The following DLGAP4 variants were observed in gnomAD, a reference collection of about 807,000 sequenced individuals.
The protein encoded by DLGAP4 is DLG associated protein 4.
Under a neutral mutation model 86.9 loss-of-function variants are expected in DLGAP4, and 18 were observed. The ratio of observed to expected loss-of-function variants is 0.21; its 90% CI spans 0.14 to 0.31. The LOEUF is 0.31. Among genes scored for constraint, DLGAP4 ranks in the 10% least tolerant of loss-of-function variants. The pLI, the probability that DLGAP4 is intolerant of heterozygous loss-of-function variation, is 1.00. For synonymous variants in DLGAP4, 548 were observed against 574.3 expected (o/e 0.95, Z 0.65); for missense variants, 1,085 against 1,362.6 (o/e 0.80, Z 3.21).
chr20:36,438,383 T>C (rs373227992), intron 4 of DLGAP4, among the ~76,000 whole-genome samples: 1 of 146,666 alleles, frequency 6.8e-6, no homozygotes, highest in Admixed American at 6.9e-5. Flanking sequence ...AAAAAAAATA[T>C]ATATATATAT....
At chr20:36,521,644 C>T (rs1341648727) in intron 10 of DLGAP4, among the ~76,000 whole-genome samples, 1 of 152,200 alleles carries the variant, frequency 6.6e-6, no homozygotes, top group Non-Finnish European at 1.5e-5. Flanking sequence ...CAGGACAAGT[C>T]CTCAGCAGGG....
At chr20:36,458,232 C>T (rs941764973) in intron 7 of DLGAP4, among the ~76,000 whole-genome samples, 17 of 148,164 alleles carry the variant, frequency 1.1e-4, no homozygotes, top group African/African-American at 3.7e-4. Context: ...ACACTCAGAC[C>T]GGGTGCGGTG....
chr20:36,475,548 A>G (rs201823672), intron 7 of DLGAP4, among the ~76,000 whole-genome samples: 7 of 152,168 alleles, frequency 4.6e-5, no homozygotes, highest in Non-Finnish European at 1.0e-4. Context: ...CCAAGATTCT[A>G]TGATACTAAC....
At chr20:36,313,122 ACTGCCCTCTATCTTCCAGCTC>A (rs1364514298) in intron 1 of DLGAP4, among the ~76,000 whole-genome samples, 1 of 151,944 alleles carries the variant, frequency 6.6e-6, no homozygotes, top group African/African-American at 2.4e-5. Context: ...TGGCTTCTCC[ACTGCCCTCTATCTTCCAGCTC>A]CTGTCATGGG....
chr20:36,308,244 C>G lies in DLGAP4; in HGVS notation c.-304+1732C>G, dbSNP rs1208822274. Among the ~76,000 whole-genome samples, 1 of 152,134 alleles carries G rather than the reference C, an allele frequency of 6.6e-6. No homozygotes were observed. The highest frequency in any genetic ancestry group is 1.5e-5 in the Non-Finnish European group (1 of 68,010). On this transcript the variant is annotated intron_variant, in intron 1 of 12. Coordinates refer to ENST00000339266, the MANE Select transcript of DLGAP4 (RefSeq NM_001365621.2). This position sits in a 1 kb window ranked among gnomAD's most constrained non-coding sequence, Gnocchi z 4.5. ...GTGTGCCCGTGTGTGGTGTCCATGG[C>G]GACCCCGTACTCACCTGCCAGAGGC...
At chr20:36,321,992 G>A (rs2065173263) in intron 1 of DLGAP4, among the ~76,000 whole-genome samples, 2 of 152,140 alleles carry the variant, frequency 1.3e-5, no homozygotes, top group Admixed American at 6.5e-5. Context: ...GTGGGCAGAG[G>A]GGACATGGCT....
chr20:36,500,257 G>T lies in DLGAP4; in HGVS notation c.2158G>T (p.Asp720Tyr), dbSNP rs773109564. ...SRRDTDSDTQ[D>Y]ANDSSCKSSE... ...ACGGGACACAGACTCGGATACCCAG[G>T]ATGCCAATGACTCAAGCTGTAAGTC... is the stretch of plus-strand genomic sequence containing the variant. The change falls in exon 10 of 13, where the codon GAT (aspartate) becomes TAT (tyrosine). Residue 720 changes from aspartate (D) to tyrosine (Y), a missense_variant. Physicochemically the swap from Asp to Tyr is radical, Grantham distance 160. This residue lies in a region of DLGAP4 where 1,082 missense variants were observed against 1,344.1 expected (regional missense o/e 0.81). Coordinates refer to ENST00000339266, the MANE Select transcript of DLGAP4 (RefSeq NM_001365621.2). This position sits in a 1 kb window ranked among gnomAD's most constrained non-coding sequence, Gnocchi z 4.6. 6.2e-7 allele frequency: 1 copy of T among 1,610,992 alleles called. No homozygotes were observed. Among genetic ancestry groups the T allele is most frequent in the Non-Finnish European group, 8.5e-7 (1 of 1,178,420 alleles).
intron 2 of DLGAP4, among the ~76,000 whole-genome samples, chr20:36,369,111 G>A (rs1204896794): frequency 6.6e-6 from 1 of 152,190 alleles, no homozygotes; most frequent in South Asian, 2.1e-4. Context: ...AGCGAGGGAG[G>A]TGTTACTGCT....
intron 7 of DLGAP4, among the ~76,000 whole-genome samples, chr20:36,485,635 C>G (rs980039463): frequency 6.6e-6 from 1 of 152,148 alleles, no homozygotes; most frequent in African/African-American, 2.4e-5. Context: ...GGCAGCCTGG[C>G]CTTGCAGAGC....
intron 10 of DLGAP4, among the ~76,000 whole-genome samples, chr20:36,519,755 T>C (rs930885276): frequency 4.6e-5 from 7 of 152,136 alleles, no homozygotes; most frequent in Non-Finnish European, 8.8e-5. Context: ...CAACACTTGC[T>C]TCCACTTTTC....
chr20:36,314,146 C>T lies in DLGAP4; in HGVS notation c.-304+7634C>T, dbSNP rs1052121411. ...AGGGACAGCGTGCTGGGAGCAGAAG[C>T]GCGTGCAGAGGCGGGTGGCTCTGGG... On this transcript the variant is annotated intron_variant, in intron 1 of 12. Transcript: ENST00000339266. Among the ~76,000 whole-genome samples, 742 of 151,884 alleles carry T rather than the reference C, an allele frequency of 4.9e-3. 5 individuals carry two copies. The highest frequency in any genetic ancestry group is 0.017 in the African/African-American group (693 of 41,422).
At chr20:36,503,242 C>T (rs1476468708) in intron 10 of DLGAP4, among the ~76,000 whole-genome samples, 1 of 152,044 alleles carries the variant, frequency 6.6e-6, no homozygotes, top group Admixed American at 6.6e-5. Flanking sequence ...AATTCACATA[C>T]CACAAAATTC....
At chr20:36,513,808 A>G (rs552674932) in intron 10 of DLGAP4, among the ~76,000 whole-genome samples, 3 of 152,300 alleles carry the variant, frequency 2.0e-5, no homozygotes, top group Non-Finnish European at 4.4e-5. Flanking sequence ...AGTGAAGAAG[A>G]GGATGGCATT....
Position 36,496,959 on chromosome 20 carries a change from C to T in DLGAP4, c.1903C>T (p.Pro635Ser). 1 of 1,614,148 alleles carries T rather than the reference C, an allele frequency of 6.2e-7. No homozygotes were observed. The highest frequency in any genetic ancestry group is 8.5e-7 in the Non-Finnish European group (1 of 1,180,022). The stretch of plus-strand genomic sequence containing the variant: ...CGCCCCAGCCCCTGAGGCCCCAGAG[C>T]CACCCCCAAAACATGCAGCTCTGAA... Reference protein sequence around the residue: ...GVAPAPEAPEPPPKHAALKSE... With the variant: ...GVAPAPEAPESPPKHAALKSE... The change falls in exon 8 of 13, where the codon CCA becomes TCA. Residue 635 changes from proline to serine, a missense_variant. Around this residue, in one of 2 missense-constraint regions of DLGAP4, gnomAD observed 1,082 missense variants for 1,344.1 expected, o/e 0.81. Coordinates refer to ENST00000339266, the MANE Select transcript of DLGAP4 (RefSeq NM_001365621.2).
At chr20:36,386,252 T>A (rs1228608824) in intron 2 of DLGAP4, among the ~76,000 whole-genome samples, 1 of 152,034 alleles carries the variant, frequency 6.6e-6, no homozygotes, top group Middle Eastern at 3.2e-3. Flanking sequence ...CAGGGGTCAT[T>A]CTGGGGCTCA....
At chr20:36,457,305 G>T (rs113221894) in intron 7 of DLGAP4, among the ~76,000 whole-genome samples, 2 of 151,750 alleles carry the variant, frequency 1.3e-5, no homozygotes, top group Non-Finnish European at 2.9e-5. Flanking sequence ...TGCAACCTCC[G>T]CTTCCCGGGT....
intron 1 of DLGAP4, among the ~76,000 whole-genome samples, chr20:36,337,755 C>T (rs536948036): frequency 6.6e-6 from 1 of 152,306 alleles, no homozygotes; most frequent in South Asian, 2.1e-4. Flanking sequence ...TGGCATTGTG[C>T]CCTTTCTGCC....
chr20:36,475,233 A>G (rs772877880), intron 7 of DLGAP4, among the ~76,000 whole-genome samples: 5 of 151,644 alleles, frequency 3.3e-5, no homozygotes, highest in Non-Finnish European at 5.9e-5. Context: ...TTTTTTTGAG[A>G]TGGAGTCCCG....
intron 6 of DLGAP4, among the ~76,000 whole-genome samples, chr20:36,445,125 A>G (rs1454539743): frequency 6.6e-6 from 1 of 151,990 alleles, no homozygotes; most frequent in African/African-American, 2.4e-5. Context: ...TCTTTTGTAG[A>G]GCTGGGGTCC....
Sources: allele counts gnomAD v4.1 joint callset (sites outside exome capture counted in the v4.1 genomes callset), GRCh38; gene constraint gnomAD v4.1.1; regional missense constraint gnomAD v4.1.1; non-coding constraint Gnocchi (gnomAD v3.1); transcripts MANE v1.5; gene names NCBI Gene and HGNC (gene_info 2026-07-23, HGNC 2026-07-21).